The following SHCBP1L variants were observed in gnomAD, a reference collection of about 807,000 sequenced individuals.
SHCBP1L encodes SHC binding and spindle associated 1 like.
A neutral mutation model predicts 62.5 loss-of-function variants in SHCBP1L; 67 were observed. The ratio of observed to expected loss-of-function variants is 1.07; its 90% CI spans 0.88 to 1.31. The LOEUF (loss-of-function observed/expected upper bound fraction) is 1.31, where lower values mean the gene tolerates loss of function less well. Among genes scored for constraint, SHCBP1L ranks in the 40% most tolerant of loss-of-function variants. SHCBP1L has a pLI of 0.00. For missense variants in SHCBP1L, 823 were observed against 809.8 expected (o/e 1.02, Z -0.20); for synonymous variants, 284 against 289.4 (o/e 0.98, Z 0.19).
In SHCBP1L at chr1:182,924,975, A is replaced by AAAGAAAG. The variant is rs1491508466; in HGVS notation, c.1182+4671_1182+4672insCTTTCTT. On this transcript the variant is annotated intron_variant, in intron 6 of 9. Coordinates refer to ENST00000367547, the MANE Select transcript of SHCBP1L (RefSeq NM_030933.4). ...GAAAGAAAGAAAGAAAGAAAGAAAGAAAAAAAAAGGAAGAAGGAAAGGAAG... is the reference window on the plus strand; with the variant it reads ...GAAAGAAAGAAAGAAAGAAAGAAAGAAAGAAAGAAAAAAAAGGAAGAAGGAAAGGAAG... Among the ~76,000 whole-genome samples, 117 of 128,508 alleles carry AAAGAAAG rather than the reference A, an allele frequency of 9.1e-4. 1 individual carries two copies. Among genetic ancestry groups the AAAGAAAG allele is most frequent in the Middle Eastern group, 3.9e-3 (1 of 258 alleles). 84.3% of individuals were successfully genotyped at this position (128,508 alleles called of 152,430 possible).
chr1:182,937,529 G>A (rs1035705566), intron 5 of SHCBP1L, among the ~76,000 whole-genome samples: 3 of 152,104 alleles, frequency 2.0e-5, no homozygotes, highest in African/African-American at 7.2e-5. Context: ...GGTGTTCTCT[G>A]AGCTTTATGG....
chr1:182,944,964 T>TC (rs1651509749), intron 2 of SHCBP1L, among the ~76,000 whole-genome samples: 1 of 144,734 alleles, frequency 6.9e-6, no homozygotes, highest in African/African-American at 2.7e-5. Flanking sequence ...TTTCTTTTTT[T>TC]TTTTTTTTTT....
intron 5 of SHCBP1L, among the ~76,000 whole-genome samples, chr1:182,937,369 T>C (rs767603071): frequency 6.6e-6 from 1 of 152,218 alleles, no homozygotes; most frequent in Non-Finnish European, 1.5e-5. Context: ...CTTATTTTCA[T>C]AGTTCCTTCT....
In SHCBP1L at chr1:182,924,776, GAAAGAAAGAA is replaced by G. The variant is rs1557996819; in HGVS notation, c.1182+4861_1182+4870del. On this transcript the variant is annotated intron_variant, in intron 6 of 9. Coordinates refer to ENST00000367547, the MANE Select transcript of SHCBP1L (RefSeq NM_030933.4). ...AGAAAGAAAGAAAGAAAGAAAGAAA[GAAAGAAAGAA>G]AGAGAGAAAGAAAGGAAGGAAGGAA... Among the ~76,000 whole-genome samples the G allele has an allele frequency of 8.8e-4, 79 of 89,704 alleles. 1 individual carries two copies. Among genetic ancestry groups the G allele is most frequent in the East Asian group, 5.3e-3 (16 of 3,018 alleles). 58.8% of individuals were successfully genotyped at this position (89,704 alleles called of 152,430 possible). A position where few individuals can be genotyped will look rare whatever the true frequency, so the allele number is the denominator to read the frequency against.
intron 6 of SHCBP1L, among the ~76,000 whole-genome samples, chr1:182,918,779 G>A (rs747470141): frequency 1.1e-4 from 17 of 151,362 alleles, no homozygotes; most frequent in Non-Finnish European, 4.4e-5. Context: ...TAATAAAATA[G>A]TGTGGTACTG....
intron 6 of SHCBP1L, among the ~76,000 whole-genome samples, chr1:182,921,033 T>A (rs539504579): frequency 4.1e-4 from 63 of 152,058 alleles, no homozygotes; most frequent in African/African-American, 1.5e-3. Context: ...AGTACCCCTA[T>A]GAGATACTAT....
intron 2 of SHCBP1L, among the ~76,000 whole-genome samples, chr1:182,946,412 T>C (rs1651566820): frequency 6.6e-6 from 1 of 152,128 alleles, no homozygotes. Context: ...AAGTCTTTTT[T>C]TTTTTTTAGC....
Position 182,951,193 on chromosome 1 carries a change from G to A in SHCBP1L, c.555+125C>T, listed in dbSNP as rs192954321. 1.5e-4 allele frequency: 105 copies of A among 712,622 alleles called. No homozygotes were observed. The African/African-American group carries it at 1.5e-3, about 10-fold the overall frequency. 44.1% of individuals were successfully genotyped at this position (712,622 alleles called of 1,614,324 possible). A position where few individuals can be genotyped will look rare whatever the true frequency, so the allele number is the denominator to read the frequency against. On this transcript the variant is annotated intron_variant, in intron 2 of 9. Transcript: ENST00000367547. ...TTCTTTTTACACTATTAATTTTCTC[G>A]GAAACTTAAAACAGAAGTAAAAATG...
rs7523942 is a variant in SHCBP1L at position 182,937,459 on chromosome 1, G to A, written c.1076+1717C>T. The stretch of plus-strand genomic sequence containing the variant: ...TCAGGATATTTTTTCTTTATTTGTC[G>A]TTTCATGCAGTTTAAATGTGATATG... On this transcript the variant is annotated intron_variant, in intron 5 of 9. Coordinates refer to ENST00000367547, the MANE Select transcript of SHCBP1L (RefSeq NM_030933.4). Among the ~76,000 whole-genome samples the A allele has an allele frequency of 4.5e-3, 690 of 151,938 alleles. 6 individuals carry two copies. Among genetic ancestry groups the A allele is most frequent in the African/African-American group, 0.016 (662 of 41,466 alleles).
chr1:182,947,312 C>A (rs914865324), intron 2 of SHCBP1L, among the ~76,000 whole-genome samples: 2 of 151,554 alleles, frequency 1.3e-5, no homozygotes, highest in Non-Finnish European at 2.9e-5. Flanking sequence ...ACACTTGGAT[C>A]TTAGGCAAAA....
At chr1:182,945,512 T>C (rs1461650387) in intron 2 of SHCBP1L, among the ~76,000 whole-genome samples, 1 of 152,210 alleles carries the variant, frequency 6.6e-6, no homozygotes, top group East Asian at 1.9e-4. Context: ...TTCTCTTAGG[T>C]TGTGGCTTCT....
intron 2 of SHCBP1L, among the ~76,000 whole-genome samples, chr1:182,941,420 A>G (rs1163954809): frequency 6.6e-6 from 1 of 152,170 alleles, no homozygotes; most frequent in Non-Finnish European, 1.5e-5. Context: ...TTCTTTTTTA[A>G]AGTTATTCCA....
At position 182,951,530 on chromosome 1, in the gene SHCBP1L, G is replaced by T. The variant is rs552268908; in HGVS notation, c.406-63C>A. ...GAAATTATAGATTTTAAACTAAGTG[G>T]TTTTTTTTTTTTTTACTGATTTCTA... On this transcript the variant is annotated intron_variant, in intron 1 of 9. Transcript: ENST00000367547. 1.4e-3 allele frequency: 1,135 copies of T among 831,504 alleles called. 2 individuals are homozygous for T. Among genetic ancestry groups the T allele is most frequent in the East Asian group, 0.013 (364 of 28,850 alleles). 51.5% of individuals were successfully genotyped at this position (831,504 alleles called of 1,614,324 possible). A position where few individuals can be genotyped will look rare whatever the true frequency, so the allele number is the denominator to read the frequency against.
At position 182,929,685 on chromosome 1, in the gene SHCBP1L, T is replaced by C. The variant is rs960914055; in HGVS notation, c.1144A>G (p.Ile382Val). 1.3e-6 allele frequency: 2 copies of C among 1,592,786 alleles called. No homozygotes were observed. Among genetic ancestry groups the C allele is most frequent in the East Asian group, 2.3e-5 (1 of 44,334 alleles). Residue 382 changes from isoleucine (I) to valine (V), a missense_variant, in exon 6 of 10, where the codon ATA becomes GTA. Ile to Val is a conservative substitution (Grantham distance 29, BLOSUM62 3). Transcript: ENST00000367547. ...ATCATTTTTGCTACAATATGTGTTA[T>C]AGTCTTTCCAAATTCTCTTTTTCCT... ...RKGKREFGKT[I>V]THIVAKMMTT...
At chr1:182,943,071 G>T (rs1212468733) in intron 2 of SHCBP1L, among the ~76,000 whole-genome samples, 1 of 152,052 alleles carries the variant, frequency 6.6e-6, no homozygotes, top group Non-Finnish European at 1.5e-5. Context: ...TTTCCAAAGA[G>T]TCATTACGAA....
intron 6 of SHCBP1L, among the ~76,000 whole-genome samples, chr1:182,918,999 A>C (rs1650441959): frequency 1.3e-5 from 2 of 152,244 alleles, no homozygotes; most frequent in African/African-American, 4.8e-5. Context: ...AAATTAACTC[A>C]AAATTGATTA....
chr1:182,909,051 C>T (rs1480434419), intron 6 of SHCBP1L, among the ~76,000 whole-genome samples: 1 of 152,110 alleles, frequency 6.6e-6, no homozygotes, highest in African/African-American at 2.4e-5. Flanking sequence ...GCAGGTATTA[C>T]ATACATTGGA....
chr1:182,919,536 G>A (rs1345887718), intron 6 of SHCBP1L, among the ~76,000 whole-genome samples: 1 of 151,992 alleles, frequency 6.6e-6, no homozygotes, highest in Admixed American at 6.6e-5. Context: ...TTTGGAGTGG[G>A]GCAAAAACAT....
intron 2 of SHCBP1L, among the ~76,000 whole-genome samples, chr1:182,946,557 C>T (rs1033176871): frequency 2.6e-5 from 4 of 152,116 alleles, no homozygotes; most frequent in African/African-American, 9.7e-5. Flanking sequence ...TCATGTAATT[C>T]CCTTCTTCCC....
Sources: allele counts gnomAD v4.1 joint callset (sites outside exome capture counted in the v4.1 genomes callset), GRCh38; gene constraint gnomAD v4.1.1; transcripts MANE v1.5; gene names NCBI Gene and HGNC (gene_info 2026-07-23, HGNC 2026-07-21).